Variants in CADM2 observed in about 807,000 individuals in gnomAD.
CADM2 encodes the protein cell adhesion molecule 2.
A neutral mutation model predicts 49.8 loss-of-function variants in CADM2; 12 were observed. That is an observed-to-expected ratio of 0.24 (90% CI 0.15 to 0.39). The LOEUF (loss-of-function observed/expected upper bound fraction) is 0.39, where lower values mean the gene tolerates loss of function less well. CADM2 is among the 10% of genes least tolerant of loss of function. The pLI, the probability that CADM2 is intolerant of heterozygous loss-of-function variation, is 1.00. For synonymous variants in CADM2, 214 were observed against 175.4 expected, an observed-to-expected ratio of 1.22 and a Z score of -1.74; for missense variants, 378 against 492.3, an observed-to-expected ratio of 0.77 and a Z score of 2.20.
intron 3 of CADM2, among the ~76,000 whole-genome samples, chr3:85,815,288 GC>G (rs1222060080): frequency 2.0e-5 from 3 of 151,848 alleles, no homozygotes; most frequent in African/African-American, 7.3e-5. Context: ...CAGAGACACA[GC>G]AAAAAAGGAA....
At chr3:85,279,250 C>G (rs1386067095) in intron 1 of CADM2, among the ~76,000 whole-genome samples, 1 of 151,548 alleles carries the variant, frequency 6.6e-6, no homozygotes, top group Non-Finnish European at 1.5e-5. Flanking sequence ...TAATCTTACA[C>G]TGTTGTTAAC....
At chr3:85,362,245 A>G (rs1260344998) in intron 1 of CADM2, among the ~76,000 whole-genome samples, 1 of 152,196 alleles carries the variant, frequency 6.6e-6, no homozygotes. Context: ...AAGCAGGTGG[A>G]GTGTCTCCAA....
At chr3:85,875,833 G>T (rs1577537559) in intron 3 of CADM2, among the ~76,000 whole-genome samples, 1 of 152,246 alleles carries the variant, frequency 6.6e-6, no homozygotes, top group East Asian at 1.9e-4. Context: ...TAGAAACAGA[G>T]GAAGTAGTCT....
chr3:85,278,623 T>G (rs1178034999), intron 1 of CADM2, among the ~76,000 whole-genome samples: 3 of 151,226 alleles, frequency 2.0e-5, no homozygotes, highest in Non-Finnish European at 3.0e-5. Flanking sequence ...ATAAACATAT[T>G]AAGTATTTTT....
intron 1 of CADM2, among the ~76,000 whole-genome samples, chr3:85,214,632 C>G (rs1418959683): frequency 1.3e-5 from 2 of 151,988 alleles, no homozygotes; most frequent in African/African-American, 2.4e-5. Context: ...ACCTGGAACT[C>G]TATTCTACTG....
At chr3:85,050,104 T>C (rs2035825173) in intron 1 of CADM2, among the ~76,000 whole-genome samples, 1 of 152,094 alleles carries the variant, frequency 6.6e-6, no homozygotes, top group African/African-American at 2.4e-5. Flanking sequence ...GTATCCAAGA[T>C]TGCTCTCGGT....
chr3:85,111,053 G>A (rs1034116368), intron 1 of CADM2, among the ~76,000 whole-genome samples: 1 of 151,794 alleles, frequency 6.6e-6, no homozygotes, highest in African/African-American at 2.4e-5. Flanking sequence ...TGTAACCTAA[G>A]TAAATTGTGA....
chr3:85,855,247 A>G (rs1252934075), intron 3 of CADM2, among the ~76,000 whole-genome samples: 5 of 152,026 alleles, frequency 3.3e-5, no homozygotes, highest in East Asian at 1.9e-4. Context: ...ATCAGCACCT[A>G]TTGCTCTCAA....
chr3:85,331,504 C>T (rs545802151), intron 1 of CADM2, among the ~76,000 whole-genome samples: 1 of 151,196 alleles, frequency 6.6e-6, no homozygotes, highest in South Asian at 2.1e-4. Context: ...CTAAAAGTGA[C>T]TATTGTCACT....
chr3:85,343,158 C>G (rs184583098), intron 1 of CADM2, among the ~76,000 whole-genome samples: 1 of 152,208 alleles, frequency 6.6e-6, no homozygotes, highest in Non-Finnish European at 1.5e-5. Context: ...ACACATTGCA[C>G]GATGTACAGC....
intron 8 of CADM2, among the ~76,000 whole-genome samples, chr3:86,020,992 A>C (rs536660006): frequency 6.6e-6 from 1 of 152,186 alleles, no homozygotes; most frequent in South Asian, 2.1e-4. Flanking sequence ...GGCCAGGGCA[A>C]AAACTTTTTT....
chr3:86,023,966 T>G (rs1470620935), intron 8 of CADM2, among the ~76,000 whole-genome samples: 2 of 152,220 alleles, frequency 1.3e-5, no homozygotes, highest in Non-Finnish European at 1.5e-5. Flanking sequence ...TTAAGCACTT[T>G]CACATTCTGT....
chr3:85,096,640 A>C (rs1339321992), intron 1 of CADM2, among the ~76,000 whole-genome samples: 3 of 151,674 alleles, frequency 2.0e-5, no homozygotes, highest in Non-Finnish European at 1.5e-5. Flanking sequence ...AATTGTATAC[A>C]CTCATTACAC....
intron 1 of CADM2, among the ~76,000 whole-genome samples, chr3:85,044,269 A>G (rs1033771468): frequency 1.3e-5 from 2 of 152,064 alleles, no homozygotes; most frequent in Non-Finnish European, 2.9e-5. Context: ...TGTACTGAAT[A>G]CAAGGTCATA....
At chr3:85,783,207 T>C (rs1235397143) in intron 2 of CADM2, among the ~76,000 whole-genome samples, 2 of 152,168 alleles carry the variant, frequency 1.3e-5, no homozygotes, top group African/African-American at 4.8e-5. Context: ...AGGATTAGAT[T>C]TATATACTTA....
At chr3:85,528,424 C>G (rs1398166534) in intron 1 of CADM2, among the ~76,000 whole-genome samples, 1 of 152,232 alleles carries the variant, frequency 6.6e-6, no homozygotes, top group African/African-American at 2.4e-5. Flanking sequence ...TTTCTGGGTT[C>G]AAATCCCAGC....
At chr3:85,663,361 CT>C (rs1253609543) in intron 1 of CADM2, among the ~76,000 whole-genome samples, 2 of 152,062 alleles carry the variant, frequency 1.3e-5, no homozygotes, top group East Asian at 1.9e-4. Context: ...CCACTCAGCG[CT>C]TTTTTTCATT....
At chr3:85,367,606 T>C (rs943477148) in intron 1 of CADM2, among the ~76,000 whole-genome samples, 4 of 151,884 alleles carry the variant, frequency 2.6e-5, no homozygotes, top group African/African-American at 7.2e-5. Context: ...GCTTAAGTGC[T>C]ATGGAAATTA....
At chr3:85,401,196 A>G (rs1449370821) in intron 1 of CADM2, among the ~76,000 whole-genome samples, 1 of 152,168 alleles carries the variant, frequency 6.6e-6, no homozygotes, top group Non-Finnish European at 1.5e-5. Flanking sequence ...CTTGAGCCAC[A>G]GCCCCGTTCA....
Sources: allele counts gnomAD v4.1 joint callset (sites outside exome capture counted in the v4.1 genomes callset), GRCh38; gene constraint gnomAD v4.1.1; transcripts MANE v1.5; gene names NCBI Gene and HGNC (gene_info 2026-07-23, HGNC 2026-07-21).